BACH2: variants seen among roughly 807,000 people sequenced by gnomAD.
BACH2 encodes the protein transcription regulator protein BACH2.
In BACH2, 5 loss-of-function variants were observed where a neutral mutation model predicts 61.8. The observed-to-expected ratio is 0.08, with a 90% CI of 0.04 to 0.17. BACH2 has a LOEUF of 0.17. Among genes scored for constraint, BACH2 ranks in the 10% least tolerant of loss-of-function variants. The pLI is 1.00. For synonymous variants in BACH2, 446 were observed against 440.1 expected, an observed-to-expected ratio of 1.01 and a Z score of -0.17; for missense variants, 824 against 1,091.1, an observed-to-expected ratio of 0.76 and a Z score of 3.45.
chr6:89,926,738 T>C lies in BACH2; in HGVS notation c.*5670A>G, dbSNP rs1772379777. On this transcript the variant is annotated 3_prime_UTR_variant, in exon 9 of 9. Coordinates refer to ENST00000257749, the MANE Select transcript of BACH2 (RefSeq NM_021813.4). ...AATTCTTAGTTACAGAGAATAAGCA[T>C]CAACAGCCTTTCATTTTTTACAATA... The C allele has an allele frequency of 6.6e-6, 1 of 152,596 alleles. No individual in the cohort carries two copies. Among genetic ancestry groups the C allele is most frequent in the Non-Finnish European group, 1.5e-5 (1 of 68,038 alleles). 9.5% of individuals were successfully genotyped at this position (152,596 alleles called of 1,614,324 possible).
At chr6:90,243,030 C>A (rs905573743) in intron 3 of BACH2, among the ~76,000 whole-genome samples, 2 of 151,106 alleles carry the variant, frequency 1.3e-5, no homozygotes, top group African/African-American at 2.4e-5. Context: ...CAGGGATACA[C>A]CACCATGCCC....
At chr6:90,271,811 C>A (rs1771534054) in intron 2 of BACH2, 38 bp downstream of exon 2, 1 of 152,324 alleles carries the variant, frequency 6.6e-6, no homozygotes, top group Non-Finnish European at 1.5e-5. Context: ...GCTGTGTAAA[C>A]TTATGAAACA....
intron 6 of BACH2, among the ~76,000 whole-genome samples, chr6:89,973,182 G>A (rs1324424079): frequency 2.0e-5 from 3 of 152,160 alleles, no homozygotes; most frequent in Non-Finnish European, 4.4e-5. Context: ...GAAGGGGATC[G>A]TTTGAGCCCA....
At chr6:90,168,873 G>A (rs1767718528) in intron 4 of BACH2, among the ~76,000 whole-genome samples, 1 of 152,170 alleles carries the variant, frequency 6.6e-6, no homozygotes, top group African/African-American at 2.4e-5. Flanking sequence ...TGGTTTTCAT[G>A]TGATACACTT....
chr6:90,046,276 G>T (rs1470260099), intron 5 of BACH2, among the ~76,000 whole-genome samples: 1 of 152,180 alleles, frequency 6.6e-6, no homozygotes, highest in African/African-American at 2.4e-5. Flanking sequence ...TTTAGTATGT[G>T]TCTACCACAT....
intron 4 of BACH2, among the ~76,000 whole-genome samples, chr6:90,194,581 T>C (rs916283869): frequency 6.6e-6 from 1 of 152,200 alleles, no homozygotes; most frequent in Admixed American, 6.5e-5. Context: ...CTCACCAGCA[T>C]TATTCCAAAT....
intron 3 of BACH2, among the ~76,000 whole-genome samples, chr6:90,239,636 G>A (rs896588476): frequency 2.0e-5 from 3 of 152,072 alleles, no homozygotes; most frequent in Non-Finnish European, 4.4e-5. Flanking sequence ...AGCCATACAT[G>A]ACTAAGATAT....
intron 7 of BACH2, among the ~76,000 whole-genome samples, chr6:89,941,813 C>A (rs531288855): frequency 6.6e-6 from 1 of 152,234 alleles, no homozygotes; most frequent in East Asian, 1.9e-4. Flanking sequence ...GAAGATATCC[C>A]TATAGTTCAG....
At chr6:90,189,061 C>G (rs565676547) in intron 4 of BACH2, among the ~76,000 whole-genome samples, 11 of 152,194 alleles carry the variant, frequency 7.2e-5, no homozygotes, top group Non-Finnish European at 1.5e-4. Flanking sequence ...GAGTAAATGG[C>G]TGTGAAACAT....
intron 4 of BACH2, among the ~76,000 whole-genome samples, chr6:90,153,515 T>C (rs1426266001): frequency 6.6e-6 from 1 of 152,182 alleles, no homozygotes; most frequent in Non-Finnish European, 1.5e-5. Flanking sequence ...AAATAATCTA[T>C]ATATAAATAA....
intron 6 of BACH2, among the ~76,000 whole-genome samples, chr6:89,990,894 TA>T (rs1218677221): frequency 6.6e-6 from 1 of 152,244 alleles, no homozygotes; most frequent in Admixed American, 6.5e-5. Context: ...GTGCACACAG[TA>T]GATGCTCAAT....
intron 1 of BACH2, among the ~76,000 whole-genome samples, chr6:90,274,542 G>A (rs149310037): frequency 5.9e-5 from 9 of 152,258 alleles, no homozygotes; most frequent in East Asian, 1.9e-4. Context: ...ACAAGCTGGC[G>A]GAAGTGGGTG....
intron 3 of BACH2, among the ~76,000 whole-genome samples, chr6:90,236,417 C>A (rs1344390183): frequency 1.3e-5 from 2 of 152,104 alleles, no homozygotes; most frequent in Non-Finnish European, 1.5e-5. Flanking sequence ...ACTTGGGAAG[C>A]GAACAGTTTA....
intron 4 of BACH2, among the ~76,000 whole-genome samples, chr6:90,198,126 A>G (rs564551499): frequency 1.3e-5 from 2 of 152,254 alleles, no homozygotes; most frequent in South Asian, 2.1e-4. Flanking sequence ...ATGTGTGCTC[A>G]TGCTTGACTC....
chr6:90,097,778 T>G (rs575852824), intron 4 of BACH2, among the ~76,000 whole-genome samples: 1 of 152,314 alleles, frequency 6.6e-6, no homozygotes, highest in East Asian at 1.9e-4. Flanking sequence ...TCCAATACAT[T>G]TTTAAAGTGA....
At chr6:90,113,205 A>T (rs761880382) in intron 4 of BACH2, among the ~76,000 whole-genome samples, 17 of 152,188 alleles carry the variant, frequency 1.1e-4, no homozygotes, top group Non-Finnish European at 1.9e-4. Context: ...TTGAGGTGAA[A>T]AATTAACAAA....
chr6:90,044,387 C>G (rs1200020445), intron 5 of BACH2, among the ~76,000 whole-genome samples: 1 of 152,150 alleles, frequency 6.6e-6, no homozygotes, highest in African/African-American at 2.4e-5. Flanking sequence ...TCTGATGACT[C>G]AAAAGGCCAG....
chr6:90,137,924 G>C (rs1461072352), intron 4 of BACH2, among the ~76,000 whole-genome samples: 6 of 152,152 alleles, frequency 3.9e-5, no homozygotes, highest in Non-Finnish European at 8.8e-5. Context: ...TGTGTGATCA[G>C]AGCAAGTGAT....
intron 5 of BACH2, among the ~76,000 whole-genome samples, chr6:90,054,407 C>T (rs1326882254): frequency 3.3e-5 from 5 of 152,174 alleles, no homozygotes; most frequent in African/African-American, 4.8e-5. Flanking sequence ...AAGGCGGCAG[C>T]GAGGCTGGGG....
Sources: allele counts gnomAD v4.1 joint callset (sites outside exome capture counted in the v4.1 genomes callset), GRCh38; gene constraint gnomAD v4.1.1; transcripts MANE v1.5; gene names NCBI Gene and HGNC (gene_info 2026-07-23, HGNC 2026-07-21).